WFDC8: variants seen among roughly 807,000 people sequenced by gnomAD.
WFDC8 encodes the protein WAP four-disulfide core domain protein 8.
In WFDC8, 24 loss-of-function variants were observed where a neutral mutation model predicts 27.0. The observed-to-expected ratio is 0.89, with a 90% CI of 0.64 to 1.25. WFDC8 has a LOEUF of 1.25. Ranked by LOEUF, WFDC8 falls within the 50% of genes most tolerant of loss-of-function variation. The pLI is 0.00. For synonymous variants in WFDC8, 106 were observed against 99.7 expected, an observed-to-expected ratio of 1.06 and a Z score of -0.38; for missense variants, 287 against 295.9, an observed-to-expected ratio of 0.97 and a Z score of 0.22.
chr20:45,570,479 T>TA (rs1014329968), intron 1 of WFDC8, among the ~76,000 whole-genome samples: 1 of 152,226 alleles, frequency 6.6e-6, no homozygotes, highest in African/African-American at 2.4e-5. Flanking sequence ...GAGATTCATT[T>TA]ATGTTGTGTG....
At chr20:45,570,014 A>C (rs1279597653) in intron 1 of WFDC8, among the ~76,000 whole-genome samples, 1 of 152,180 alleles carries the variant, frequency 6.6e-6, no homozygotes, top group East Asian at 1.9e-4. Context: ...GAAGGGAACA[A>C]CAGACACTGA....
At chr20:45,556,634 G>A (rs771430132) in intron 3 of WFDC8, among the ~76,000 whole-genome samples, 8 of 152,148 alleles carry the variant, frequency 5.3e-5, no homozygotes, top group African/African-American at 1.2e-4. Flanking sequence ...AGAAGTTGCC[G>A]AAGAGCTCAA....
intron 1 of WFDC8, among the ~76,000 whole-genome samples, chr20:45,564,399 C>T (rs1052678415): frequency 4.6e-5 from 7 of 152,088 alleles, no homozygotes; most frequent in South Asian, 2.1e-4. Context: ...GGGCTGGGTG[C>T]GGTGGCTCAC....
At chr20:45,574,422 A>C (rs557391622) in intron 1 of WFDC8, among the ~76,000 whole-genome samples, 1 of 152,226 alleles carries the variant, frequency 6.6e-6, no homozygotes, top group African/African-American at 2.4e-5. Context: ...ATTACAGGCC[A>C]ATATCCATGA....
At chr20:45,554,071 T>A (rs1295810207) in intron 4 of WFDC8, among the ~76,000 whole-genome samples, 1 of 152,152 alleles carries the variant, frequency 6.6e-6, no homozygotes, top group East Asian at 1.9e-4. Context: ...GCTCAAGTGA[T>A]CTTTGAGGAG....
chr20:45,577,825 G>A (rs1036439095), intron 1 of WFDC8, among the ~76,000 whole-genome samples: 1 of 149,384 alleles, frequency 6.7e-6, no homozygotes, highest in Non-Finnish European at 1.5e-5. Context: ...TGGCCAACAC[G>A]GTGAAACCCT....
intron 1 of WFDC8, among the ~76,000 whole-genome samples, chr20:45,571,916 T>G (rs558454607): frequency 3.7e-4 from 57 of 152,326 alleles, no homozygotes; most frequent in African/African-American, 1.4e-3. Flanking sequence ...TTGGCTATTG[T>G]GAGTAATGCT....
In WFDC8 at chr20:45,558,964, C is replaced by T; in HGVS notation, c.165G>A (p.Arg55=). 1 of 1,614,150 alleles carries T rather than the reference C, an allele frequency of 6.2e-7. No individual in the cohort carries two copies. Among genetic ancestry groups the T allele is most frequent in the East Asian group, 2.2e-5 (1 of 44,880 alleles). ...CCGGAAGTTCAGTGGTACAGGTGAG[C>T]CTCTCTTTGGGACATAACCCTGGTT... ...KHKPGLCPKE[R]LTCTTELPDS... Residue 55 remains arginine, a synonymous_variant, in exon 3 of 6, where the codon AGG becomes AGA. Transcript: ENST00000289953.
chr20:45,552,557 G>C (rs1266787378), intron 5 of WFDC8, among the ~76,000 whole-genome samples: 1 of 152,196 alleles, frequency 6.6e-6, no homozygotes, highest in African/African-American at 2.4e-5. Context: ...TAGAAAGCCA[G>C]TAGAAAAGTT....
intron 2 of WFDC8, among the ~76,000 whole-genome samples, 180 bp downstream of exon 2, chr20:45,561,930 T>C (rs1980485877): frequency 6.6e-6 from 1 of 151,916 alleles, no homozygotes; most frequent in Admixed American, 6.6e-5. Context: ...GGGAAATAAT[T>C]TGGGGGGAGC....
intron 3 of WFDC8, 125 bp from the exon 4 acceptor site, chr20:45,555,993 G>GAA: frequency 3.4e-6 from 3 of 891,238 alleles, no homozygotes; most frequent in Non-Finnish European, 5.0e-6. Flanking sequence ...CATGGCAGGG[G>GAA]AAAAAAAAAG....
intron 5 of WFDC8, among the ~76,000 whole-genome samples, chr20:45,552,867 C>T (rs1980089525): frequency 6.6e-6 from 1 of 152,144 alleles, no homozygotes; most frequent in African/African-American, 2.4e-5. Flanking sequence ...CCTTGCAAGT[C>T]ATTGAGGAAT....
intron 1 of WFDC8, among the ~76,000 whole-genome samples, chr20:45,563,937 G>A (rs117475827): frequency 6.6e-6 from 1 of 152,302 alleles, no homozygotes; most frequent in East Asian, 1.9e-4. Flanking sequence ...AATAGAGGAT[G>A]TCCATTTATA....
rs148072303 is a variant in WFDC8 at position 45,565,222 on chromosome 20, CTG to C, written c.27-3005_27-3004del. Among the ~76,000 whole-genome samples, 59 of 152,294 alleles carry C rather than the reference CTG, an allele frequency of 3.9e-4. 1 individual carries two copies. In the East Asian group the frequency reaches 0.011, roughly 29 times the overall value. ...AAATCCACGCTTCACCATCAAATCACTGTGTCAACTTGGGCTAGTTTTACCTC... is the reference window on the plus strand; with the variant it reads ...AAATCCACGCTTCACCATCAAATCACTGTCAACTTGGGCTAGTTTTACCTC... On this transcript the variant is annotated intron_variant, in intron 1 of 5. Transcript: ENST00000289953.
intron 1 of WFDC8, among the ~76,000 whole-genome samples, chr20:45,564,592 T>A (rs1980580934): frequency 6.6e-6 from 1 of 150,984 alleles, no homozygotes; most frequent in South Asian, 2.1e-4. Context: ...GACAATGGCG[T>A]GAACCCGGGA....
At chr20:45,573,217 CT>C (rs1447297769) in intron 1 of WFDC8, among the ~76,000 whole-genome samples, 3 of 152,234 alleles carry the variant, frequency 2.0e-5, no homozygotes, top group Non-Finnish European at 2.9e-5. Flanking sequence ...AGCTTTCCCC[CT>C]ATGTTTTCTT....
chr20:45,568,865 A>G, intron 1 of WFDC8: 2 of 290,040 alleles, frequency 6.9e-6, no homozygotes, highest in South Asian at 6.9e-5. Context: ...ATATGCAGTC[A>G]TCATCCATTG....
intron 1 of WFDC8, 73 bp downstream of exon 1, chr20:45,579,149 A>T: frequency 6.7e-7 from 1 of 1,484,046 alleles, no homozygotes; most frequent in South Asian, 1.1e-5. Flanking sequence ...TCTAACTTCT[A>T]TGTATCCTCC....
intron 2 of WFDC8, among the ~76,000 whole-genome samples, chr20:45,560,403 C>T (rs372295393): frequency 2.0e-4 from 30 of 152,304 alleles, no homozygotes; most frequent in African/African-American, 5.5e-4. Context: ...GAGCAAAGAA[C>T]CCAGATGCAC....
Sources: gnomAD v4.1 joint callset for allele counts (sites outside exome capture counted in the v4.1 genomes callset) on GRCh38, gnomAD v4.1.1 for gene constraint, MANE v1.5 for transcripts, NCBI Gene and HGNC (gene_info 2026-07-23, HGNC 2026-07-21) for gene names.